LRRC9: variants seen among roughly 807,000 people sequenced by gnomAD.
The protein encoded by LRRC9 is leucine-rich repeat-containing protein 9.
LRRC9 carries 122 observed loss-of-function variants against 63.2 expected under a neutral mutation model. The ratio of observed to expected loss-of-function variants is 1.93; its 90% CI spans 1.67 to 2.24. The LOEUF (loss-of-function observed/expected upper bound fraction) is 2.24, where lower values mean the gene tolerates loss of function less well. LRRC9 is among the 30% of genes most tolerant of loss of function. The pLI, the probability that LRRC9 is intolerant of heterozygous loss-of-function variation, is 0.00. For synonymous variants in LRRC9, 366 were observed against 213.1 expected, an observed-to-expected ratio of 1.72 and a Z score of -6.25; for missense variants, 1,071 against 627.7, an observed-to-expected ratio of 1.71 and a Z score of -7.55.
At chr14:59,960,658 G>T (rs1884256774) in intron 9 of LRRC9, among the ~76,000 whole-genome samples, 1 of 152,176 alleles carries the variant, frequency 6.6e-6, no homozygotes. Context: ...ACATGTCTGA[G>T]ATCTGAAAGC....
At chr14:60,059,564 T>C (rs1234449562) in intron 31 of LRRC9, among the ~76,000 whole-genome samples, 1 of 152,162 alleles carries the variant, frequency 6.6e-6, no homozygotes, top group Non-Finnish European at 1.5e-5. Context: ...AAGGAACACA[T>C]GGATAAGAAA....
intron 29 of LRRC9, among the ~76,000 whole-genome samples, chr14:60,043,321 C>T (rs1252068229): frequency 6.6e-6 from 1 of 152,138 alleles, no homozygotes; most frequent in African/African-American, 2.4e-5. Context: ...GACATTACTT[C>T]CACTACTATA....
intron 17 of LRRC9, among the ~76,000 whole-genome samples, chr14:59,987,926 A>T (rs530164138): frequency 1.2e-4 from 19 of 152,350 alleles, no homozygotes; most frequent in African/African-American, 4.6e-4. Context: ...TTTCAAGATA[A>T]TGAATTTGTT....
rs376617025 is a variant in LRRC9, at chr14:60,032,935, T to C, written c.3990+872T>C. ...AGAGCTACTTCCACCAAGAAGGAAA[T>C]AGCAATAAACAGTATCCCCTAATAT... On this transcript the variant is annotated intron_variant, in intron 29 of 31. Transcript: ENST00000445360. Among the ~76,000 whole-genome samples the C allele has an allele frequency of 1.1e-4, 16 of 152,072 alleles. No individual in the cohort carries two copies. The East Asian group carries it at 1.4e-3, about 13-fold the overall frequency.
chr14:59,992,073 G>A (rs1888202336), intron 17 of LRRC9, among the ~76,000 whole-genome samples: 1 of 152,184 alleles, frequency 6.6e-6, no homozygotes, highest in South Asian at 2.1e-4. Context: ...AGTAAGGGCA[G>A]ACTGACACCT....
chr14:60,032,366 T>A (rs1892061564), intron 29 of LRRC9, among the ~76,000 whole-genome samples: 1 of 152,116 alleles, frequency 6.6e-6, no homozygotes, highest in Non-Finnish European at 1.5e-5. Flanking sequence ...TCTGGTAGAA[T>A]AAGCACCTTT....
In LRRC9 at chr14:60,038,415, ATTTG is replaced by A. The variant is rs568747957; in HGVS notation, c.3990+6358_3990+6361del. On this transcript the variant is annotated intron_variant, in intron 29 of 31. Coordinates refer to ENST00000445360, the Ensembl canonical transcript of LRRC9. ...ATCCATGAGCATGGAATGTTCTTCC[ATTTG>A]TTTGTGTCCTCTTTTATTTCTTTTA... Among the ~76,000 whole-genome samples the A allele has an allele frequency of 2.9e-3, 446 of 152,220 alleles. 3 individuals carry two copies. Among genetic ancestry groups the A allele is most frequent in the African/African-American group, 0.01 (428 of 41,522 alleles).
At chr14:59,951,666 A>T (rs1883136251) in intron 8 of LRRC9, among the ~76,000 whole-genome samples, 1 of 146,920 alleles carries the variant, frequency 6.8e-6, no homozygotes. Context: ...TGATGTACAG[A>T]TGGGTTTTCG....
chr14:59,971,199 T>G (rs1885457607), intron 12 of LRRC9, among the ~76,000 whole-genome samples: 1 of 152,176 alleles, frequency 6.6e-6, no homozygotes, highest in African/African-American at 2.4e-5. Flanking sequence ...CTGTCCCCAT[T>G]GCTTGTTTTT....
rs1206161922 is a variant in LRRC9, at chr14:60,027,533, TA to T, written c.3704-349del. ...ACTATTGTAATATCTATTAGAGTAC[TA>T]ATATACTCAGGAAGCGTATCTTCTG... On this transcript the variant is annotated intron_variant, in intron 27 of 31. Transcript: ENST00000445360. The surrounding 1 kb of genome is among the most constrained non-coding windows in gnomAD (Gnocchi z 4.0). 6.6e-6 allele frequency among the ~76,000 whole-genome samples: 1 copy of T among 152,084 alleles called. No individual in the cohort carries two copies. Among genetic ancestry groups the T allele is most frequent in the Non-Finnish European group, 1.5e-5 (1 of 67,980 alleles).
intron 17 of LRRC9, among the ~76,000 whole-genome samples, chr14:59,991,165 C>T (rs78056629): frequency 6.6e-6 from 1 of 152,180 alleles, no homozygotes; most frequent in Non-Finnish European, 1.5e-5. Flanking sequence ...GAATCACTCA[C>T]TTATAATTCC....
chr14:59,993,545 A>G (rs1888404527), intron 17 of LRRC9, among the ~76,000 whole-genome samples: 3 of 152,216 alleles, frequency 2.0e-5, no homozygotes, highest in African/African-American at 7.2e-5. Context: ...AAGACCCATC[A>G]GTGTGCTGTA....
chr14:60,034,015 C>CTTTTTT (rs1157239003), intron 29 of LRRC9, among the ~76,000 whole-genome samples: 88 of 116,012 alleles, frequency 7.6e-4, no homozygotes, highest in African/African-American at 2.9e-3. Flanking sequence ...TTTTTTCTTT[C>CTTTTTT]TTTTTTTTTT....
At position 60,017,824 on chromosome 14, in the gene LRRC9, T is replaced by C. The variant is rs536724603; in HGVS notation, c.3318-547T>C. On this transcript the variant is annotated intron_variant, in intron 24 of 31. Transcript: ENST00000445360. This position sits in a 1 kb window ranked among gnomAD's most constrained non-coding sequence, Gnocchi z 4.0. ...ATAGCTATAGACTGGGAATCAAGCA[T>C]TCTGTTTAATTACCAAAATGTTCAC... Among the ~76,000 whole-genome samples the C allele has an allele frequency of 3.7e-4, 57 of 152,220 alleles. No homozygotes were observed. Among genetic ancestry groups the C allele is most frequent in the African/African-American group, 1.4e-3 (57 of 41,552 alleles).
At chr14:59,989,550 T>C (rs545874339) in intron 17 of LRRC9, among the ~76,000 whole-genome samples, 2 of 152,292 alleles carry the variant, frequency 1.3e-5, no homozygotes, top group South Asian at 2.1e-4. Context: ...TTCAGATTTA[T>C]ATTGTTATTT....
intron 10 of LRRC9, among the ~76,000 whole-genome samples, chr14:59,963,322 C>A (rs1402677468): frequency 6.6e-6 from 1 of 151,898 alleles, no homozygotes; most frequent in Non-Finnish European, 1.5e-5. Flanking sequence ...TAGAGACATG[C>A]TAGTTGAGTG....
exon 18 of LRRC9, chr14:59,997,759 T>G (rs1888951081): frequency 1.4e-6 from 1 of 702,286 alleles, no homozygotes; most frequent in Non-Finnish European, 2.6e-6. Flanking sequence ...TGGAATCAAC[T>G]GAAAAAATCT....
At chr14:60,038,947 A>G (rs898881746) in intron 29 of LRRC9, among the ~76,000 whole-genome samples, 9 of 152,176 alleles carry the variant, frequency 5.9e-5, no homozygotes, top group Non-Finnish European at 1.3e-4. Context: ...TCCCATCAGT[A>G]CCTAGTTTAT....
At chr14:59,929,966 G>A (rs956358403) in intron 3 of LRRC9, among the ~76,000 whole-genome samples, 74 of 151,774 alleles carry the variant, frequency 4.9e-4, no homozygotes, top group African/African-American at 1.7e-3. Flanking sequence ...TAACTAATGG[G>A]TACTATGCTT....
Sources: gnomAD v4.1 joint callset for allele counts (sites outside exome capture counted in the v4.1 genomes callset) on GRCh38, gnomAD v4.1.1 for gene constraint, Gnocchi (gnomAD v3.1) non-coding constraint, MANE v1.5 for transcripts, NCBI Gene and HGNC (gene_info 2026-07-23, HGNC 2026-07-21) for gene names.